Variants in INPP4B observed in about 807,000 individuals in gnomAD.
The protein encoded by INPP4B is inositol polyphosphate 4-phosphatase type II.
Under a neutral mutation model 122.5 loss-of-function variants are expected in INPP4B, and 55 were observed. The observed-to-expected ratio is 0.45, with a 90% CI of 0.36 to 0.56. INPP4B has a LOEUF of 0.56. Ranked by LOEUF, INPP4B falls within the 20% of genes least tolerant of loss-of-function variation. The pLI is 0.00. For synonymous variants in INPP4B, 403 were observed against 388.7 expected (o/e 1.04, Z -0.43); for missense variants, 1,000 against 1,097.7 (o/e 0.91, Z 1.26).
chr4:142,823,457 T>C (rs2151160085), intron 1 of INPP4B, among the ~76,000 whole-genome samples: 1 of 152,304 alleles, frequency 6.6e-6, no homozygotes, highest in African/African-American at 2.4e-5. Context: ...ATAGTATCTG[T>C]TCACTCCCAA....
intron 9 of INPP4B, among the ~76,000 whole-genome samples, chr4:142,277,641 A>G (rs1225291820): frequency 6.6e-6 from 1 of 150,806 alleles, no homozygotes; most frequent in Non-Finnish European, 1.5e-5. Flanking sequence ...ATGCCCATCT[A>G]TCAATGGGTG....
intron 9 of INPP4B, among the ~76,000 whole-genome samples, chr4:142,297,592 CGTAA>C (rs747691021): frequency 4.6e-5 from 7 of 152,184 alleles, no homozygotes; most frequent in Non-Finnish European, 1.0e-4. Context: ...CACCTTTTGC[CGTAA>C]GTAACAGCTT....
chr4:142,523,321 T>C (rs1047224266), intron 2 of INPP4B, among the ~76,000 whole-genome samples: 1 of 152,092 alleles, frequency 6.6e-6, no homozygotes, highest in Non-Finnish European at 1.5e-5. Flanking sequence ...GGAGCATGTT[T>C]GGAGTATGAT....
At chr4:142,749,105 C>A (rs1229401466) in intron 1 of INPP4B, among the ~76,000 whole-genome samples, 1 of 150,218 alleles carries the variant, frequency 6.7e-6, no homozygotes, top group Non-Finnish European at 1.5e-5. Flanking sequence ...TGCCACTGCT[C>A]TCCAGCCTGA....
At chr4:142,327,525 A>T (rs1170757081) in intron 7 of INPP4B, among the ~76,000 whole-genome samples, 3 of 152,018 alleles carry the variant, frequency 2.0e-5, no homozygotes, top group Admixed American at 2.0e-4. Flanking sequence ...GTGTCCAGGC[A>T]AAACTGGGAT....
At chr4:142,629,191 C>A (rs1373042) in intron 2 of INPP4B, among the ~76,000 whole-genome samples, 152,150 of 152,172 alleles carry the variant, frequency 1, 76,064 homozygotes, top group Non-Finnish European at 1. Context: ...ATATATTAAA[C>A]CTGCTTCCCA....
intron 12 of INPP4B, among the ~76,000 whole-genome samples, chr4:142,229,006 C>A (rs1852890094): frequency 6.6e-6 from 1 of 151,624 alleles, no homozygotes; most frequent in Non-Finnish European, 1.5e-5. Context: ...TTTTTAGAGG[C>A]AAGCTGAAAT....
chr4:142,397,200 G>A (rs1799630016), intron 7 of INPP4B, among the ~76,000 whole-genome samples: 1 of 152,146 alleles, frequency 6.6e-6, no homozygotes, highest in Admixed American at 6.6e-5. Context: ...CAAGACATCT[G>A]TAACTCCCTT....
At chr4:142,032,312 A>G (rs1235311303) in intron 25 of INPP4B, among the ~76,000 whole-genome samples, 1 of 152,082 alleles carries the variant, frequency 6.6e-6, no homozygotes, top group African/African-American at 2.4e-5. Context: ...GACCTGAACT[A>G]GTGGATGGCA....
intron 1 of INPP4B, among the ~76,000 whole-genome samples, chr4:142,804,605 G>C (rs1387350181): frequency 2.0e-5 from 3 of 152,054 alleles, no homozygotes; most frequent in African/African-American, 7.2e-5. Context: ...TTATTCTATA[G>C]CACTTTCTAC....
At chr4:142,131,979 T>C (rs183120878) in intron 18 of INPP4B, among the ~76,000 whole-genome samples, 1 of 151,776 alleles carries the variant, frequency 6.6e-6, no homozygotes, top group African/African-American at 2.4e-5. Flanking sequence ...ACAAAAATAT[T>C]ACATGCCCTA....
intron 2 of INPP4B, among the ~76,000 whole-genome samples, chr4:142,644,215 T>A (rs1396649974): frequency 1.8e-5 from 2 of 111,110 alleles, no homozygotes; most frequent in East Asian, 2.6e-4. Context: ...AAAAATAAAA[T>A]AAAATAAAAT....
intron 25 of INPP4B, among the ~76,000 whole-genome samples, chr4:142,057,001 C>G (rs1460361840): frequency 6.6e-6 from 1 of 152,064 alleles, no homozygotes; most frequent in East Asian, 1.9e-4. Context: ...CATCTGTGAA[C>G]CACACATGGT....
At chr4:142,305,932 G>A (rs1009983821) in intron 8 of INPP4B, 14 of 1,030,770 alleles carry the variant, frequency 1.4e-5, no homozygotes, top group East Asian at 9.3e-5. Context: ...CAACAACTTT[G>A]TATTCCAGAT....
intron 1 of INPP4B, among the ~76,000 whole-genome samples, chr4:142,745,547 A>G (rs1768591987): frequency 6.6e-6 from 1 of 151,908 alleles, no homozygotes; most frequent in African/African-American, 2.4e-5. Flanking sequence ...AACCTAACAT[A>G]TTTACTATCT....
intron 9 of INPP4B, among the ~76,000 whole-genome samples, chr4:142,275,086 A>C (rs1459279967): frequency 6.6e-6 from 1 of 151,810 alleles, no homozygotes; most frequent in Non-Finnish European, 1.5e-5. Flanking sequence ...TGGCTCCCCT[A>C]ATACTTCCTA....
intron 2 of INPP4B, among the ~76,000 whole-genome samples, chr4:142,533,466 TA>T (rs1268445266): frequency 7.2e-5 from 11 of 152,188 alleles, no homozygotes; most frequent in Middle Eastern, 3.4e-3. Context: ...AAAAAATATT[TA>T]TTTTTTTTTT....
intron 25 of INPP4B, among the ~76,000 whole-genome samples, chr4:142,079,903 TC>T (rs1172039133): frequency 6.6e-6 from 1 of 152,122 alleles, no homozygotes; most frequent in Non-Finnish European, 1.5e-5. Context: ...ACTACAAGGA[TC>T]ATAATTAGCT....
intron 2 of INPP4B, among the ~76,000 whole-genome samples, chr4:142,725,247 A>G (rs1765191040): frequency 6.6e-6 from 1 of 152,288 alleles, no homozygotes; most frequent in African/African-American, 2.4e-5. Flanking sequence ...TTGAAAATTT[A>G]GCAACTAAAT....
Sources: gnomAD v4.1 joint callset for allele counts (sites outside exome capture counted in the v4.1 genomes callset) on GRCh38, gnomAD v4.1.1 for gene constraint, MANE v1.5 for transcripts, NCBI Gene and HGNC (gene_info 2026-07-23, HGNC 2026-07-21) for gene names.